The following FBLN2 variants were observed in gnomAD, a reference collection of about 807,000 sequenced individuals.
FBLN2 encodes the protein fibulin-2.
FBLN2 carries 81 observed loss-of-function variants against 123.7 expected under a neutral mutation model. The observed-to-expected ratio is 0.65, with a 90% CI of 0.55 to 0.79. The LOEUF (loss-of-function observed/expected upper bound fraction) is 0.79. Ranked by LOEUF, FBLN2 falls within the 30% of genes least tolerant of loss-of-function variation. The probability of loss-of-function intolerance (pLI) is 0.00; values close to 1 mark genes in which losing one functional copy is unlikely to be tolerated. For synonymous variants in FBLN2, 699 were observed against 701.4 expected (o/e 1.00, Z 0.05); for missense variants, 1,603 against 1,681.3 (o/e 0.95, Z 0.81).
At chr3:13,557,558 C>T (rs924673771) in intron 1 of FBLN2, among the ~76,000 whole-genome samples, 1 of 152,194 alleles carries the variant, frequency 6.6e-6, no homozygotes. Context: ...CAGGCTCTGC[C>T]GTGTGGTGGT....
rs1190727014 is a variant in FBLN2, at chr3:13,613,843, C to A, written c.1549-141C>A. The A allele has an allele frequency of 9.5e-6, 8 of 837,898 alleles. No homozygotes were observed. The East Asian group carries it at 2.2e-4, about 23-fold the overall frequency. 51.9% of individuals were successfully genotyped at this position (837,898 alleles called of 1,614,324 possible). On this transcript the variant is annotated intron_variant, in intron 4 of 17. Coordinates refer to ENST00000404922, the MANE Select transcript of FBLN2 (RefSeq NM_001004019.2). ...AGACTTGGGAAATAGAGGCAGAGGACCCCTCTGCCCTGGGAGAGCGCATAG... is the reference window on the plus strand; with the variant it reads ...AGACTTGGGAAATAGAGGCAGAGGAACCCTCTGCCCTGGGAGAGCGCATAG...
chr3:13,599,073 C>T (rs992864421), intron 2 of FBLN2, among the ~76,000 whole-genome samples: 5 of 152,242 alleles, frequency 3.3e-5, no homozygotes, highest in South Asian at 2.1e-4. Flanking sequence ...CTGAGTCTCA[C>T]TCCAGAGAGA....
At chr3:13,611,127 A>G (rs1705378739) in intron 4 of FBLN2, among the ~76,000 whole-genome samples, 1 of 151,882 alleles carries the variant, frequency 6.6e-6, no homozygotes, top group Non-Finnish European at 1.5e-5. Flanking sequence ...TTGTATTTTT[A>G]CTAGAGATGG....
At chr3:13,567,794 C>A (rs565155842) in intron 1 of FBLN2, among the ~76,000 whole-genome samples, 2 of 54,592 alleles carry the variant, frequency 3.7e-5, no homozygotes, top group Non-Finnish European at 8.8e-5. Flanking sequence ...ACAGTGAGAC[C>A]CTTGTTAAAA....
chr3:13,630,234 G>A (rs1706210016), intron 14 of FBLN2, among the ~76,000 whole-genome samples: 1 of 152,186 alleles, frequency 6.6e-6, no homozygotes, highest in Admixed American at 6.5e-5. Context: ...CCACAAATAG[G>A]GTATCTGAGG....
At chr3:13,613,702 G>A (rs942052011) in intron 4 of FBLN2, among the ~76,000 whole-genome samples, 2 of 152,196 alleles carry the variant, frequency 1.3e-5, no homozygotes, top group African/African-American at 4.8e-5. Context: ...TAGAATTGGG[G>A]TTTGCTAGTA....
intron 2 of FBLN2, among the ~76,000 whole-genome samples, chr3:13,580,919 G>A (rs541405886): frequency 3.8e-4 from 58 of 152,316 alleles, no homozygotes; most frequent in African/African-American, 1.3e-3. Context: ...GGGCCTGAAC[G>A]TGTGTCTGTG....
At position 13,629,247 on chromosome 3, in the gene FBLN2, T is replaced by G; in HGVS notation, c.2797T>G (p.Cys933Gly). Reference protein sequence around the residue: ...HNLPGSYRCDCKAGFQRDAFG... With the variant: ...HNLPGSYRCDGKAGFQRDAFG... The stretch of plus-strand genomic sequence containing the variant: ...CCTCCCTGGCTCCTACCGCTGTGAC[T>G]GCAAAGCCGGCTTTCAGCGGGATGC... The change falls in exon 13 of 18, where the codon TGC becomes GGC. Residue 933 changes from cysteine to glycine, a missense_variant. Transcript: ENST00000404922. 2 of 1,613,058 alleles carry G rather than the reference T, an allele frequency of 1.2e-6. No individual in the cohort carries two copies. Among genetic ancestry groups the G allele is most frequent in the Middle Eastern group, 1.7e-4 (1 of 5,922 alleles).
intron 1 of FBLN2, chr3:13,566,649 A>G (rs541333093): frequency 1.3e-5 from 2 of 152,416 alleles, no homozygotes; most frequent in South Asian, 4.1e-4. Flanking sequence ...ACCATCAGAC[A>G]GCACCAGGAT....
At chr3:13,587,817 A>G (rs1704556928) in intron 2 of FBLN2, among the ~76,000 whole-genome samples, 1 of 152,214 alleles carries the variant, frequency 6.6e-6, no homozygotes, top group Non-Finnish European at 1.5e-5. Flanking sequence ...AAACTCAACC[A>G]ATTGTCAACC....
chr3:13,600,529 T>G (rs1203010043), intron 2 of FBLN2, among the ~76,000 whole-genome samples: 1 of 151,878 alleles, frequency 6.6e-6, no homozygotes, highest in Non-Finnish European at 1.5e-5. Flanking sequence ...AGGTCACCTG[T>G]GCAACAGACA....
At chr3:13,586,194 C>CT (rs1305652117) in intron 2 of FBLN2, among the ~76,000 whole-genome samples, 6 of 151,744 alleles carry the variant, frequency 4.0e-5, no homozygotes, top group Admixed American at 6.6e-5. Flanking sequence ...TTTCTTTTTT[C>CT]TTTTTTTTGA....
intron 10 of FBLN2, 31 bp from the exon 11 acceptor site, chr3:13,627,801 C>G: frequency 6.3e-7 from 1 of 1,599,684 alleles, no homozygotes; most frequent in Non-Finnish European, 8.5e-7. Flanking sequence ...ACCTGCCCCC[C>G]AGCCCTTGAC....
chr3:13,628,537 CA>C (rs897470395), intron 11 of FBLN2, among the ~76,000 whole-genome samples: 6 of 152,100 alleles, frequency 3.9e-5, no homozygotes, highest in Admixed American at 3.3e-4. Context: ...CAACTCCTTC[CA>C]AAAAAGGGTT....
intron 5 of FBLN2, among the ~76,000 whole-genome samples, chr3:13,614,905 C>T (rs1705541676): frequency 8.2e-6 from 1 of 122,018 alleles, no homozygotes; most frequent in Non-Finnish European, 1.7e-5. Flanking sequence ...TTCATCTATC[C>T]ATCCATCCAT....
intron 1 of FBLN2, among the ~76,000 whole-genome samples, chr3:13,561,118 T>C (rs1168703717): frequency 2.0e-5 from 3 of 152,324 alleles, no homozygotes; most frequent in African/African-American, 7.2e-5. Context: ...TAGACTTTGA[T>C]GGTGACAACT....
chr3:13,627,469 T>C (rs1366832782), intron 10 of FBLN2, among the ~76,000 whole-genome samples: 1 of 152,186 alleles, frequency 6.6e-6, no homozygotes, highest in Non-Finnish European at 1.5e-5. Flanking sequence ...TCCCCCGGGT[T>C]CTGGTCCTGG....
At chr3:13,629,738 T>C in intron 13 of FBLN2, 82 bp from the exon 14 acceptor site, 2 of 1,494,754 alleles carry the variant, frequency 1.3e-6, no homozygotes, top group East Asian at 4.9e-5. Flanking sequence ...TAGCCTCCCC[T>C]TCGGCCCTGG....
intron 2 of FBLN2, among the ~76,000 whole-genome samples, chr3:13,602,140 C>G (rs11128648): frequency 0.55 from 83,511 of 152,014 alleles, 23,148 homozygotes; most frequent in East Asian, 0.64. Context: ...TTATTCTAAT[C>G]CTGCCTTTAT....
Sources: allele counts gnomAD v4.1 joint callset (sites outside exome capture counted in the v4.1 genomes callset), GRCh38; gene constraint gnomAD v4.1.1; transcripts MANE v1.5; gene names NCBI Gene and HGNC (gene_info 2026-07-23, HGNC 2026-07-21).